DCC: variants seen among roughly 807,000 people sequenced by gnomAD.
DCC encodes DCC netrin 1 receptor, also known as netrin receptor DCC.
Under a neutral mutation model 172.5 loss-of-function variants are expected in DCC, and 58 were observed. The ratio of observed to expected loss-of-function variants is 0.34; its 90% CI spans 0.27 to 0.42. DCC has a LOEUF of 0.42. Ranked by LOEUF, DCC falls within the 10% of genes least tolerant of loss-of-function variation. DCC has a pLI of 1.00. For synonymous variants in DCC, 709 were observed against 644.5 expected (o/e 1.10, Z -1.52); for missense variants, 1,740 against 1,791.0 (o/e 0.97, Z 0.51).
At chr18:53,396,937 G>A (rs1335632380) in intron 17 of DCC, among the ~76,000 whole-genome samples, 2 of 151,878 alleles carry the variant, frequency 1.3e-5, no homozygotes, top group African/African-American at 4.8e-5. Flanking sequence ...ATTTAACTTT[G>A]AAAAAAGATA....
intron 12 of DCC, among the ~76,000 whole-genome samples, chr18:53,293,645 C>T (rs1212217012): frequency 1.3e-5 from 2 of 152,036 alleles, no homozygotes; most frequent in East Asian, 3.9e-4. Flanking sequence ...TCAAGTAGGC[C>T]CTGGTGTCTT....
chr18:53,412,656 G>A (rs940775529), intron 20 of DCC, among the ~76,000 whole-genome samples: 1 of 152,076 alleles, frequency 6.6e-6, no homozygotes, highest in African/African-American at 2.4e-5. Flanking sequence ...GTACTCACTG[G>A]GTAATGGGCA....
At chr18:53,510,307 A>G (rs778051551) in intron 27 of DCC, among the ~76,000 whole-genome samples, 15 of 152,226 alleles carry the variant, frequency 9.9e-5, no homozygotes, top group Non-Finnish European at 2.1e-4. Context: ...TGCAATCTGT[A>G]AAATAAATTT....
intron 1 of DCC, among the ~76,000 whole-genome samples, chr18:52,720,908 A>T (rs2036463938): frequency 6.6e-6 from 1 of 152,202 alleles, no homozygotes; most frequent in African/African-American, 2.4e-5. Flanking sequence ...GACTCTGGCA[A>T]ATGAGTTCAT....
chr18:52,521,046 T>A (rs1438475129), intron 1 of DCC, among the ~76,000 whole-genome samples: 5 of 152,136 alleles, frequency 3.3e-5, no homozygotes, highest in Non-Finnish European at 7.3e-5. Flanking sequence ...TGGTGGTATA[T>A]TTAAAGCCAA....
chr18:53,031,418 G>T (rs1315877701), intron 5 of DCC, among the ~76,000 whole-genome samples: 1 of 151,998 alleles, frequency 6.6e-6, no homozygotes, highest in Non-Finnish European at 1.5e-5. Flanking sequence ...AAAATATTAT[G>T]TGGGAAGTTG....
intron 5 of DCC, among the ~76,000 whole-genome samples, chr18:52,943,517 T>C (rs1386380712): frequency 6.6e-6 from 1 of 152,194 alleles, no homozygotes; most frequent in African/African-American, 2.4e-5. Context: ...TAAAAATGTT[T>C]TGTAATCTCT....
Position 52,969,068 on chromosome 18 carries a change from A to G in DCC, c.985+43698A>G, listed in dbSNP as rs571886149. ...ACTTTTCTTCTTCCTCTAGTAGCCC[A>G]TCTCTAGTTATTCTTGTTCTCTAGG... is the stretch of plus-strand genomic sequence containing the variant. On this transcript the variant is annotated intron_variant, in intron 5 of 28. Transcript: ENST00000442544. 9.9e-5 allele frequency among the ~76,000 whole-genome samples: 15 copies of G among 152,026 alleles called. 1 individual carries two copies. The highest frequency in any genetic ancestry group is 2.6e-4 in the African/African-American group (11 of 41,518).
intron 12 of DCC, among the ~76,000 whole-genome samples, chr18:53,223,574 A>C (rs1162203220): frequency 6.6e-6 from 1 of 152,112 alleles, no homozygotes; most frequent in African/African-American, 2.4e-5. Flanking sequence ...AAGGTCTCTG[A>C]TTTTAATTTA....
intron 3 of DCC, among the ~76,000 whole-genome samples, chr18:52,910,260 C>T (rs942213767): frequency 5.9e-5 from 9 of 152,086 alleles, no homozygotes; most frequent in Non-Finnish European, 1.3e-4. Flanking sequence ...TAGCATTTTT[C>T]ATTGAGACTG....
chr18:52,745,957 T>C (rs2145122007), intron 1 of DCC, among the ~76,000 whole-genome samples: 1 of 152,368 alleles, frequency 6.6e-6, no homozygotes, highest in East Asian at 1.9e-4. Flanking sequence ...AGTTAACATA[T>C]GCTTAGGGAT....
chr18:52,715,575 G>A (rs755929018), intron 1 of DCC, among the ~76,000 whole-genome samples: 14 of 152,106 alleles, frequency 9.2e-5, no homozygotes, highest in Admixed American at 2.6e-4. Flanking sequence ...AATATGCTGG[G>A]ATTACAGGAA....
intron 17 of DCC, among the ~76,000 whole-genome samples, chr18:53,396,719 G>A (rs1213232796): frequency 6.6e-6 from 1 of 152,152 alleles, no homozygotes; most frequent in African/African-American, 2.4e-5. Flanking sequence ...TACATGATGA[G>A]CAGTAGAACT....
intron 15 of DCC, among the ~76,000 whole-genome samples, chr18:53,351,012 A>AT (rs2144899179): frequency 6.7e-6 from 1 of 150,208 alleles, no homozygotes; most frequent in South Asian, 2.1e-4. Context: ...GGAAGAATGG[A>AT]TTTTCTCTTT....
chr18:53,046,530 CT>C (rs1029854529), intron 5 of DCC, among the ~76,000 whole-genome samples: 1 of 150,678 alleles, frequency 6.6e-6, no homozygotes, highest in African/African-American at 2.4e-5. Context: ...AGAAAATGTT[CT>C]GATAGAACTT....
rs560152561 is a variant in DCC at position 52,751,819 on chromosome 18, T to A, written c.92-235T>A. Among the ~76,000 whole-genome samples, 8 of 152,238 alleles carry A rather than the reference T, an allele frequency of 5.3e-5. No homozygotes were observed. In the East Asian group the frequency reaches 1.3e-3, roughly 26 times the overall value. Reference sequence around the variant, plus strand: ...GCATGCCAGGATTTATATGAATTTGTAATTTCTCATAATATTAACTTTTGG... The same window carrying A: ...GCATGCCAGGATTTATATGAATTTGAAATTTCTCATAATATTAACTTTTGG... On this transcript the variant is annotated intron_variant, in intron 1 of 28. Transcript: ENST00000442544.
intron 27 of DCC, among the ~76,000 whole-genome samples, chr18:53,507,085 T>TTTTTTTTTG (rs1555680601): frequency 0.013 from 1,987 of 151,992 alleles, 25 homozygotes; most frequent in Middle Eastern, 0.031. Context: ...CCCTTTCTCC[T>TTTTTTTTTG]TTTTGTTTTG....
intron 1 of DCC, among the ~76,000 whole-genome samples, chr18:52,594,068 G>A (rs1272286390): frequency 1.3e-5 from 2 of 152,106 alleles, no homozygotes; most frequent in African/African-American, 2.4e-5. Context: ...GAACCCAAAG[G>A]GGCATTCTTT....
chr18:53,456,256 A>G (rs73957208), intron 23 of DCC, among the ~76,000 whole-genome samples: 6,165 of 152,318 alleles, frequency 0.04, 407 homozygotes, highest in African/African-American at 0.14. Context: ...CAGAAATTAA[A>G]TAAGTAAACA....
Sources: gnomAD v4.1 joint callset for allele counts (sites outside exome capture counted in the v4.1 genomes callset) on GRCh38, gnomAD v4.1.1 for gene constraint, MANE v1.5 for transcripts, NCBI Gene and HGNC (gene_info 2026-07-23, HGNC 2026-07-21) for gene names.